Variants in CSMD3 observed in about 807,000 individuals in gnomAD.
CSMD3 encodes CUB and sushi domain-containing protein 3.
A neutral mutation model predicts 435.2 loss-of-function variants in CSMD3; 177 were observed. The observed-to-expected ratio is 0.41, with a 90% CI of 0.36 to 0.46. CSMD3 has a LOEUF of 0.46. Among genes scored for constraint, CSMD3 ranks in the 20% least tolerant of loss-of-function variants. The pLI is 0.34. For synonymous variants in CSMD3, 1,656 were observed against 1,520.5 expected (o/e 1.09, Z -2.07); for missense variants, 4,265 against 4,504.6 (o/e 0.95, Z 1.52).
At chr8:112,877,466 C>G (rs957212171) in intron 10 of CSMD3, among the ~76,000 whole-genome samples, 1 of 151,886 alleles carries the variant, frequency 6.6e-6, no homozygotes, top group Non-Finnish European at 1.5e-5. Flanking sequence ...AGGGGTTTCA[C>G]CATGTTAGCC....
chr8:112,310,795 C>T, intron 50 of CSMD3, 183 bp downstream of exon 50: 1 of 694,886 alleles, frequency 1.4e-6, no homozygotes. Context: ...AATTATAAAA[C>T]AGTATGTTTC....
intron 22 of CSMD3, among the ~76,000 whole-genome samples, chr8:112,634,421 C>A (rs1271399665): frequency 6.6e-6 from 1 of 151,946 alleles, no homozygotes; most frequent in African/African-American, 2.4e-5. Flanking sequence ...CATCCTGTAA[C>A]TTAAATGTAT....
At chr8:112,825,425 G>A (rs1299804490) in intron 12 of CSMD3, among the ~76,000 whole-genome samples, 3 of 152,082 alleles carry the variant, frequency 2.0e-5, no homozygotes, top group African/African-American at 7.2e-5. Flanking sequence ...TGTTGTTGTT[G>A]TTGTTGTTAA....
chr8:113,390,712 C>A (rs2094457891), intron 1 of CSMD3, among the ~76,000 whole-genome samples: 1 of 151,800 alleles, frequency 6.6e-6, no homozygotes, highest in East Asian at 1.9e-4. Flanking sequence ...AAGGAACTGA[C>A]AATTCTTCAA....
At chr8:112,246,974 T>G (rs376941791) in intron 64 of CSMD3, 46 bp downstream of exon 64, 41 of 1,341,874 alleles carry the variant, frequency 3.1e-5, no homozygotes, top group Non-Finnish European at 4.3e-5. Flanking sequence ...AAAATGCATA[T>G]AAATTCTTAC....
At chr8:113,295,522 T>A (rs2132551803) in intron 2 of CSMD3, among the ~76,000 whole-genome samples, 1 of 152,312 alleles carries the variant, frequency 6.6e-6, no homozygotes, top group Non-Finnish European at 1.5e-5. Flanking sequence ...GCAGAAAGAA[T>A]GATATAAAAT....
intron 22 of CSMD3, among the ~76,000 whole-genome samples, chr8:112,590,351 A>C (rs1831078678): frequency 1.3e-5 from 2 of 152,034 alleles, no homozygotes; most frequent in African/African-American, 4.8e-5. Context: ...CAACTTGAAA[A>C]TGGATGAGTA....
intron 5 of CSMD3, among the ~76,000 whole-genome samples, chr8:113,055,601 T>A (rs1280847469): frequency 6.6e-6 from 1 of 152,166 alleles, no homozygotes. Context: ...TGTATAAAAT[T>A]ATGATGTGAA....
chr8:113,406,236 T>A (rs912647685), intron 1 of CSMD3, among the ~76,000 whole-genome samples: 31 of 152,064 alleles, frequency 2.0e-4, no homozygotes, highest in African/African-American at 6.5e-4. Flanking sequence ...TGATACTTAA[T>A]GATAAAATGT....
chr8:113,430,583 G>A (rs886689557), intron 1 of CSMD3, among the ~76,000 whole-genome samples: 12 of 152,176 alleles, frequency 7.9e-5, no homozygotes, highest in African/African-American at 2.4e-4. Flanking sequence ...AACTCCCAAA[G>A]CATCTGATTC....
chr8:112,507,351 G>A (rs1338616353), intron 28 of CSMD3, among the ~76,000 whole-genome samples: 1 of 152,144 alleles, frequency 6.6e-6, no homozygotes, highest in African/African-American at 2.4e-5. Flanking sequence ...GTGAAACTCA[G>A]AGAATAGATT....
At chr8:112,443,816 C>T (rs1001454452) in intron 32 of CSMD3, among the ~76,000 whole-genome samples, 1 of 151,860 alleles carries the variant, frequency 6.6e-6, no homozygotes, top group Non-Finnish European at 1.5e-5. Context: ...AGTTACAATG[C>T]TATTTATTAA....
intron 3 of CSMD3, among the ~76,000 whole-genome samples, chr8:113,276,848 C>T (rs2093574971): frequency 6.6e-6 from 1 of 151,934 alleles, no homozygotes; most frequent in Non-Finnish European, 1.5e-5. Flanking sequence ...TTTAAGTCAG[C>T]ACATGCCAAA....
intron 31 of CSMD3, among the ~76,000 whole-genome samples, chr8:112,489,137 G>A (rs1820431687): frequency 6.6e-6 from 1 of 152,176 alleles, no homozygotes; most frequent in African/African-American, 2.4e-5. Context: ...ATTAAGTTAG[G>A]CCAGGTGTGG....
intron 38 of CSMD3, among the ~76,000 whole-genome samples, chr8:112,370,449 T>A (rs1828280326): frequency 6.6e-6 from 1 of 152,230 alleles, no homozygotes; most frequent in South Asian, 2.1e-4. Flanking sequence ...TCCATTTCAA[T>A]TAGAGGAAAA....
intron 41 of CSMD3, among the ~76,000 whole-genome samples, 198 bp downstream of exon 41, chr8:112,345,899 C>T (rs1194732553): frequency 6.6e-6 from 1 of 151,490 alleles, no homozygotes; most frequent in Non-Finnish European, 1.5e-5. Flanking sequence ...TTCAATTATC[C>T]AAGTACTCCA....
At chr8:112,951,085 T>C (rs1215403717) in intron 8 of CSMD3, among the ~76,000 whole-genome samples, 1 of 151,878 alleles carries the variant, frequency 6.6e-6, no homozygotes, top group African/African-American at 2.4e-5. Context: ...TAACTGTAAA[T>C]ATTTAAAATT....
intron 1 of CSMD3, among the ~76,000 whole-genome samples, chr8:113,322,958 C>T (rs1266265235): frequency 6.6e-6 from 1 of 152,072 alleles, no homozygotes; most frequent in Non-Finnish European, 1.5e-5. Context: ...GCTGGCCAGG[C>T]TGGTCTCAAA....
At chr8:112,737,461 G>A (rs1415322793) in intron 13 of CSMD3, among the ~76,000 whole-genome samples, 1 of 151,866 alleles carries the variant, frequency 6.6e-6, no homozygotes, top group African/African-American at 2.4e-5. Flanking sequence ...GTACCTAAAG[G>A]CAGATTTTCC....
Sources: gnomAD v4.1 joint callset for allele counts (sites outside exome capture counted in the v4.1 genomes callset) on GRCh38, gnomAD v4.1.1 for gene constraint, MANE v1.5 for transcripts, NCBI Gene and HGNC (gene_info 2026-07-23, HGNC 2026-07-21) for gene names.